COL14A1: variants seen among roughly 807,000 people sequenced by gnomAD.
COL14A1 encodes the protein collagen alpha-1(XIV) chain.
Under a neutral mutation model 230.3 loss-of-function variants are expected in COL14A1, and 136 were observed. The ratio of observed to expected loss-of-function variants is 0.59; its 90% CI spans 0.51 to 0.68. The LOEUF (loss-of-function observed/expected upper bound fraction) is 0.68, where lower values mean the gene tolerates loss of function less well. Ranked by LOEUF, COL14A1 falls within the 30% of genes least tolerant of loss-of-function variation. The pLI, the probability that COL14A1 is intolerant of heterozygous loss-of-function variation, is 0.00. For synonymous variants in COL14A1, 792 were observed against 784.1 expected (o/e 1.01, Z -0.17); for missense variants, 1,976 against 2,215.8 (o/e 0.89, Z 2.17).
chr8:120,234,870 A>G lies in COL14A1; in HGVS notation c.2349+3252A>G, dbSNP rs550173325. On this transcript the variant is annotated intron_variant, in intron 19 of 47. Coordinates refer to ENST00000297848, the MANE Select transcript of COL14A1 (RefSeq NM_021110.4). ...AGTCCCTCTTTTTCTATTGCTTCGA[A>G]TAGTTTTAGAAGGAATGGTACCAGC... is the stretch of plus-strand genomic sequence containing the variant. Among the ~76,000 whole-genome samples, 32 of 152,276 alleles carry G rather than the reference A, an allele frequency of 2.1e-4. 1 individual carries two copies. In the South Asian group the frequency reaches 6.2e-3, roughly 30 times the overall value.
chr8:120,285,706 A>C (rs1331573655), intron 32 of COL14A1, among the ~76,000 whole-genome samples, 155 bp from the exon 33 acceptor site: 5 of 152,182 alleles, frequency 3.3e-5, no homozygotes, highest in Non-Finnish European at 7.4e-5. Flanking sequence ...AGTCTGCGGC[A>C]ACCTGGGGAC....
intron 35 of COL14A1, among the ~76,000 whole-genome samples, chr8:120,299,409 G>C (rs1820640446): frequency 6.6e-6 from 1 of 152,072 alleles, no homozygotes; most frequent in Admixed American, 6.6e-5. Flanking sequence ...CTAAAGGGAA[G>C]GTAGATGGGA....
intron 45 of COL14A1, among the ~76,000 whole-genome samples, chr8:120,361,935 A>G (rs1823235862): frequency 6.6e-6 from 1 of 152,240 alleles, no homozygotes; most frequent in African/African-American, 2.4e-5. Context: ...ATCCTCTTAA[A>G]ATGAATTCCA....
chr8:120,218,297 T>C (rs1817828418), intron 14 of COL14A1, among the ~76,000 whole-genome samples: 1 of 144,656 alleles, frequency 6.9e-6, no homozygotes, highest in South Asian at 2.1e-4. Flanking sequence ...ATATAATATA[T>C]ATAATATATA....
At chr8:120,305,278 C>G (rs1289689702) in intron 36 of COL14A1, among the ~76,000 whole-genome samples, 2 of 151,988 alleles carry the variant, frequency 1.3e-5, no homozygotes, top group African/African-American at 4.8e-5. Flanking sequence ...CCGCACCTGG[C>G]CAAAAACTCT....
intron 33 of COL14A1, among the ~76,000 whole-genome samples, chr8:120,288,704 G>A (rs537743249): frequency 6.6e-6 from 1 of 152,162 alleles, no homozygotes; most frequent in South Asian, 2.1e-4. Flanking sequence ...GACCAACATG[G>A]TTTTTCTTTG....
rs1818828216 is a variant in COL14A1 at position 120,248,396 on chromosome 8, T to C, written c.2602+661T>C. The stretch of plus-strand genomic sequence containing the variant: ...AGAGGAGACCGTATGCCCCAGCACC[T>C]CTTACAGTACCATCTCCCCATTCTT... On this transcript the variant is annotated intron_variant, in intron 21 of 47. Transcript: ENST00000297848. Among the ~76,000 whole-genome samples the C allele has an allele frequency of 1.3e-5, 2 of 152,102 alleles. 1 individual carries two copies. The highest frequency in any genetic ancestry group is 2.9e-5 in the Non-Finnish European group (2 of 68,024).
intron 45 of COL14A1, among the ~76,000 whole-genome samples, chr8:120,348,087 A>G (rs959334573): frequency 2.0e-5 from 3 of 151,878 alleles, no homozygotes; most frequent in Non-Finnish European, 4.4e-5. Context: ...ATGCATGTTT[A>G]TAGCAGCACA....
intron 1 of COL14A1, among the ~76,000 whole-genome samples, chr8:120,132,915 C>T (rs1284649904): frequency 6.6e-6 from 1 of 152,028 alleles, no homozygotes; most frequent in Non-Finnish European, 1.5e-5. Context: ...AATAAAAATA[C>T]CGTGCTATTA....
At chr8:120,168,409 G>A (rs928248533) in intron 5 of COL14A1, among the ~76,000 whole-genome samples, 162 bp downstream of exon 5, 1 of 152,028 alleles carries the variant, frequency 6.6e-6, no homozygotes, top group Non-Finnish European at 1.5e-5. Context: ...CACACAAGAT[G>A]ACCCCCAACC....
In COL14A1 at chr8:120,371,973, C is replaced by A. The variant is rs1356013735; in HGVS notation, c.*742C>A. On this transcript the variant is annotated 3_prime_UTR_variant, in exon 48 of 48. Transcript: ENST00000297848. ...ATCTACGGGGATTACTTTGTACATG[C>A]AGATAAGTTTTCGCAAACCTATTTC... The A allele has an allele frequency of 4.1e-6, 1 of 243,826 alleles. No individual in the cohort carries two copies. The highest frequency in any genetic ancestry group is 7.8e-6 in the Non-Finnish European group (1 of 127,496). The allele number at this position is 243,826 out of a possible 1,614,324, so 15.1% of individuals were successfully genotyped here. A position where few individuals can be genotyped will look rare whatever the true frequency, so the allele number is the denominator to read the frequency against.
intron 2 of COL14A1, among the ~76,000 whole-genome samples, chr8:120,152,474 A>G (rs1273079443): frequency 1.3e-5 from 2 of 150,234 alleles, no homozygotes; most frequent in East Asian, 3.9e-4. Flanking sequence ...CATCTCAAAA[A>G]AAAAAAAAAA....
At chr8:120,183,543 C>T (rs1816542208) in intron 5 of COL14A1, among the ~76,000 whole-genome samples, 1 of 152,208 alleles carries the variant, frequency 6.6e-6, no homozygotes, top group African/African-American at 2.4e-5. Context: ...AATCCCTTGT[C>T]TATATGACAG....
intron 5 of COL14A1, among the ~76,000 whole-genome samples, chr8:120,192,360 G>T (rs1000471479): frequency 9.8e-4 from 149 of 152,300 alleles, no homozygotes; most frequent in African/African-American, 3.4e-3. Context: ...CTTTAAGAAT[G>T]TTGAATATTG....
chr8:120,163,155 A>G (rs895152897), intron 4 of COL14A1, among the ~76,000 whole-genome samples: 1 of 152,206 alleles, frequency 6.6e-6, no homozygotes, highest in African/African-American at 2.4e-5. Context: ...ATTGTTAATC[A>G]GTTGACACAG....
At chr8:120,215,920 G>C (rs756742453) in intron 13 of COL14A1, among the ~76,000 whole-genome samples, 1 of 152,174 alleles carries the variant, frequency 6.6e-6, no homozygotes, top group African/African-American at 2.4e-5. Flanking sequence ...CGTGGAAATG[G>C]CAGATGGGCA....
At chr8:120,152,986 A>C (rs1815340522) in intron 2 of COL14A1, among the ~76,000 whole-genome samples, 1 of 152,204 alleles carries the variant, frequency 6.6e-6, no homozygotes, top group South Asian at 2.1e-4. Context: ...TGAAAAGTTG[A>C]GAATATTTTC....
intron 8 of COL14A1, among the ~76,000 whole-genome samples, chr8:120,203,250 A>T (rs539511765): frequency 1.3e-5 from 2 of 151,780 alleles, no homozygotes; most frequent in Non-Finnish European, 2.9e-5. Context: ...GCAATCTCAC[A>T]TGAAATGTTC....
chr8:120,240,557 C>G (rs1327637451), intron 19 of COL14A1, among the ~76,000 whole-genome samples: 4 of 152,088 alleles, frequency 2.6e-5, no homozygotes, highest in African/African-American at 9.7e-5. Context: ...CTAAGACATA[C>G]TATGAAAGCA....
Sources: allele counts gnomAD v4.1 joint callset (sites outside exome capture counted in the v4.1 genomes callset), GRCh38; gene constraint gnomAD v4.1.1; transcripts MANE v1.5; gene names NCBI Gene and HGNC (gene_info 2026-07-23, HGNC 2026-07-21).